Variants in SP100 observed in about 807,000 individuals in gnomAD.
SP100 encodes the protein SP100 nuclear body protein, also known as nuclear autoantigen Sp-100.
SP100 carries 84 observed loss-of-function variants against 130.0 expected under a neutral mutation model. That is an observed-to-expected ratio of 0.65 (90% CI 0.54 to 0.77). The LOEUF is 0.77. Among genes scored for constraint, SP100 ranks in the 30% least tolerant of loss-of-function variants. The pLI is 0.00. For missense variants in SP100, 978 were observed against 1,052.2 expected (o/e 0.93, Z 0.97); for synonymous variants, 331 against 351.7 (o/e 0.94, Z 0.66).
intron 15 of SP100, among the ~76,000 whole-genome samples, chr2:230,472,270 C>CA (rs1013431522): frequency 1.8e-4 from 27 of 150,722 alleles, no homozygotes; most frequent in East Asian, 7.8e-4. Flanking sequence ...CTACTAAAAA[C>CA]AAAAAAAATT....
chr2:230,488,500 G>A (rs186798438), intron 17 of SP100, among the ~76,000 whole-genome samples: 7 of 151,980 alleles, frequency 4.6e-5, no homozygotes, highest in South Asian at 2.1e-4. Flanking sequence ...TGCAAGCTCC[G>A]CCTCCCAGGT....
intron 2 of SP100, among the ~76,000 whole-genome samples, chr2:230,435,075 AGAT>A (rs2063212441): frequency 6.6e-6 from 1 of 152,196 alleles, no homozygotes; most frequent in Admixed American, 6.5e-5. Flanking sequence ...AAAATTTAGT[AGAT>A]GTTGCCACAT....
chr2:230,477,948 C>CAA (rs5839369), intron 17 of SP100, among the ~76,000 whole-genome samples: 3 of 133,948 alleles, frequency 2.2e-5, no homozygotes, highest in African/African-American at 8.5e-5. Flanking sequence ...ACAAAACAAA[C>CAA]AAAAAAAAAA....
rs888661391 is a variant in SP100, at chr2:230,535,760, A to C, written c.2095-3507A>C. On this transcript the variant is annotated intron_variant, in intron 24 of 28. Transcript: ENST00000340126. ...CGTCTCTACTAAAAATACAAAAATT[A>C]GCCAGGAGTGGTGGTGCATGCCTGT... 9.2e-5 allele frequency among the ~76,000 whole-genome samples: 14 copies of C among 151,844 alleles called. No homozygotes were observed. In the Middle Eastern group the frequency reaches 0.01, roughly 111 times the overall value.
At chr2:230,441,873 C>T (rs1259699800) in intron 2 of SP100, among the ~76,000 whole-genome samples, 2 of 152,176 alleles carry the variant, frequency 1.3e-5, no homozygotes, top group Non-Finnish European at 2.9e-5. Flanking sequence ...TTCCTAACCT[C>T]TGAAAGCATC....
chr2:230,501,197 C>T (rs1271424654), intron 19 of SP100, among the ~76,000 whole-genome samples: 6 of 152,058 alleles, frequency 3.9e-5, no homozygotes, highest in African/African-American at 9.7e-5. Flanking sequence ...AGCCGAGATC[C>T]GTGCCACTGC....
chr2:230,511,601 A>G (rs2150083952), intron 24 of SP100, among the ~76,000 whole-genome samples: 1 of 152,316 alleles, frequency 6.6e-6, no homozygotes, highest in East Asian at 1.9e-4. Context: ...CAGAAGGAAC[A>G]GACCGAGCCG....
chr2:230,485,700 TG>T (rs1429725528), intron 17 of SP100, among the ~76,000 whole-genome samples: 4 of 152,218 alleles, frequency 2.6e-5, no homozygotes, highest in African/African-American at 9.6e-5. Flanking sequence ...ATGTTTTGTA[TG>T]TTTTTAAATG....
chr2:230,539,337 G>A lies in SP100; in HGVS notation c.2165G>A (p.Arg722Lys). The A allele has an allele frequency of 6.2e-7, 1 of 1,614,004 alleles. No individual in the cohort carries two copies. Among genetic ancestry groups the A allele is most frequent in the Non-Finnish European group, 8.5e-7 (1 of 1,179,866 alleles). ...GRLFCCDTCP[R>K]SFHEHCHIPS... ...CTGTTCTGCTGCGACACTTGTCCAA[G>A]ATCCTTTCATGAGCACTGCCACATC... The change falls in exon 25 of 29, where the codon AGA becomes AAA. Residue 722 changes from arginine (R) to lysine (K), a missense_variant. Arg to Lys is a conservative substitution (Grantham distance 26). Transcript: ENST00000340126.
chr2:230,542,141 TATGAC>T (rs2150118666), intron 28 of SP100, 106 bp downstream of exon 28: 1 of 1,196,318 alleles, frequency 8.4e-7, no homozygotes, highest in African/African-American at 1.5e-5. Flanking sequence ...GCCCTTATCA[TATGAC>T]AAGCCCATAC....
intron 24 of SP100, among the ~76,000 whole-genome samples, chr2:230,525,019 A>C (rs1373352201): frequency 6.6e-6 from 1 of 152,220 alleles, no homozygotes; most frequent in Non-Finnish European, 1.5e-5. Flanking sequence ...AGGAACAAGT[A>C]AGTAAAGGAG....
rs771369796 is a variant in SP100, at chr2:230,446,921, A to G, written c.523+19A>G. 24 of 1,514,888 alleles carry G rather than the reference A, an allele frequency of 1.6e-5. No individual in the cohort carries two copies. In the South Asian group the frequency reaches 2.5e-4, roughly 16 times the overall value. The allele number at this position is 1,514,888 out of a possible 1,614,324, so 93.8% of individuals were successfully genotyped here. On this transcript the variant is annotated intron_variant, in intron 5 of 28. Coordinates refer to ENST00000340126, the MANE Select transcript of SP100 (RefSeq NM_001080391.2). ...GAACAAGGTAAAAATGACAGAATAA[A>G]AGCTTTTTTCTAAGAGAGGTTAGGG...
At chr2:230,465,484 G>A (rs1336069746) in intron 11 of SP100, among the ~76,000 whole-genome samples, 1 of 152,134 alleles carries the variant, frequency 6.6e-6, no homozygotes, top group Non-Finnish European at 1.5e-5. Context: ...GCAAAGTAAC[G>A]CAGAAACAGA....
At position 230,518,512 on chromosome 2, in the gene SP100, A is replaced by G. The variant is rs181236903; in HGVS notation, c.2094+7346A>G. Among the ~76,000 whole-genome samples the G allele has an allele frequency of 1.7e-3, 264 of 152,022 alleles. 1 individual carries two copies. Among genetic ancestry groups the G allele is most frequent in the African/African-American group, 6.2e-3 (258 of 41,582 alleles). ...TAATTTTTAGAAACATTTTCCCATA[A>G]CAAAAACATTTTTTATCTTAATTGG... On this transcript the variant is annotated intron_variant, in intron 24 of 28. Coordinates refer to ENST00000340126, the MANE Select transcript of SP100 (RefSeq NM_001080391.2).
intron 24 of SP100, among the ~76,000 whole-genome samples, chr2:230,518,205 G>A (rs186649945): frequency 1.3e-4 from 20 of 151,870 alleles, no homozygotes; most frequent in African/African-American, 4.8e-4. Context: ...CCTTCTTACT[G>A]GTTCCTTTCT....
intron 12 of SP100, among the ~76,000 whole-genome samples, chr2:230,466,913 G>T (rs1173367358): frequency 6.6e-6 from 1 of 152,208 alleles, no homozygotes; most frequent in African/African-American, 2.4e-5. Context: ...CTCAGGCTCA[G>T]GTGACAGTGA....
At chr2:230,443,187 A>G (rs113189544) in intron 3 of SP100, 88 bp downstream of exon 3, 6 of 1,334,896 alleles carry the variant, frequency 4.5e-6, no homozygotes, top group African/African-American at 4.4e-5. Context: ...TTCAGGGTAC[A>G]ATTTGCTAAC....
chr2:230,503,223 C>T, intron 20 of SP100, 113 bp downstream of exon 20: 1 of 655,998 alleles, frequency 1.5e-6, no homozygotes, highest in Non-Finnish European at 2.5e-6. Context: ...AGTACTGGAG[C>T]CTTAACGTTG....
intron 17 of SP100, among the ~76,000 whole-genome samples, chr2:230,485,181 G>C (rs192635396): frequency 5.0e-4 from 75 of 151,446 alleles, no homozygotes; most frequent in Middle Eastern, 3.4e-3. Context: ...TTGAACTCCT[G>C]GTCTCAAATG....
Sources: allele counts gnomAD v4.1 joint callset (sites outside exome capture counted in the v4.1 genomes callset), GRCh38; gene constraint gnomAD v4.1.1; transcripts MANE v1.5; gene names NCBI Gene and HGNC (gene_info 2026-07-23, HGNC 2026-07-21).